The following GOLGA2 variants were observed in gnomAD, a reference collection of about 807,000 sequenced individuals.
The protein encoded by GOLGA2 is golgin subfamily A member 2.
GOLGA2 carries 49 observed loss-of-function variants against 148.8 expected under a neutral mutation model. The ratio of observed to expected loss-of-function variants is 0.33; its 90% confidence interval spans 0.26 to 0.42. GOLGA2 has a LOEUF of 0.42. Ranked by LOEUF, GOLGA2 falls within the 10% of genes least tolerant of loss-of-function variation. The pLI is 1.00. For synonymous variants in GOLGA2, 501 were observed against 511.8 expected (o/e 0.98, Z 0.28); for missense variants, 1,178 against 1,304.6 (o/e 0.90, Z 1.49).
In GOLGA2 at chr9:128,258,373, C is replaced by G. The variant is rs1232769355; in HGVS notation, c.2289+82G>C. 15 of 1,341,330 alleles carry G rather than the reference C, an allele frequency of 1.1e-5. 1 individual carries two copies. The highest frequency in any genetic ancestry group is 1.7e-5 in the Admixed American group (1 of 57,824). 83.1% of individuals were successfully genotyped at this position (1,341,330 alleles called of 1,614,324 possible). A position where few individuals can be genotyped will look rare whatever the true frequency, so the allele number is the denominator to read the frequency against. On this transcript the variant is annotated intron_variant, in intron 22 of 26. Coordinates refer to ENST00000611957, the MANE Select transcript of GOLGA2 (RefSeq NM_001366244.2). This position sits in a 1 kb window ranked among gnomAD's most constrained non-coding sequence, Gnocchi z 6.6. ...GTGAGGGTCCGAAGAAATCAGAAGG[C>G]CGGGAAACCAAGAGCAGAAGGGGGT...
intron 3 of GOLGA2, among the ~76,000 whole-genome samples, chr9:128,270,202 C>T (rs996730031): frequency 3.4e-5 from 4 of 116,564 alleles, no homozygotes; most frequent in African/African-American, 1.3e-4. Flanking sequence ...GGCGAGATCT[C>T]CACTCACTGC....
chr9:128,273,716 C>T (rs777660335), intron 2 of GOLGA2, 134 bp downstream of exon 2: 18 of 1,156,976 alleles, frequency 1.6e-5, no homozygotes, highest in Non-Finnish European at 2.0e-5. Flanking sequence ...AATCACATCC[C>T]TAGCAGATGG....
intron 3 of GOLGA2, among the ~76,000 whole-genome samples, chr9:128,270,631 C>G (rs762466219): frequency 2.6e-5 from 4 of 152,010 alleles, no homozygotes; most frequent in Non-Finnish European, 5.9e-5. Context: ...CAGCTCCGCT[C>G]AGGATACTAC....
At chr9:128,270,877 C>T (rs1220270649) in intron 3 of GOLGA2, among the ~76,000 whole-genome samples, 1 of 151,656 alleles carries the variant, frequency 6.6e-6, no homozygotes, top group Non-Finnish European at 1.5e-5. Flanking sequence ...AAGACCCCAT[C>T]TCTATTAAAA....
rs758931900 is a variant in GOLGA2 at position 128,268,445 on chromosome 9, C to A, written c.368G>T (p.Ser123Ile). The A allele has an allele frequency of 1.1e-5, 17 of 1,607,646 alleles. No homozygotes were observed. The East Asian group carries it at 1.6e-4, about 15-fold the overall frequency. The change falls in exon 4 of 27, where the codon AGT becomes ATT. Residue 123 changes from serine to isoleucine, a missense_variant. By Grantham distance (142) the Ser-to-Ile change is moderately radical. Transcript: ENST00000611957. ...LPGGVPSPGA[S>I]LTSMAASQNH... is the part of the protein sequence containing the mutation. ...CTGAGATGCCGCCATGCTAGTGAGA[C>A]TGGCACCAGGGGAAGGGACACCGCC...
intron 1 of GOLGA2, chr9:128,275,644 G>A: frequency 1.5e-6 from 1 of 683,318 alleles, no homozygotes; most frequent in Non-Finnish European, 2.3e-6. Context: ...GGCAGGAGGT[G>A]AGGGCCGAGT....
Position 128,260,377 on chromosome 9 carries a change from A to G in GOLGA2, c.1758+88T>C. 1 of 1,174,800 alleles carries G rather than the reference A, an allele frequency of 8.5e-7. No homozygotes were observed. Among genetic ancestry groups the G allele is most frequent in the Non-Finnish European group, 1.2e-6 (1 of 800,058 alleles). 72.8% of individuals were successfully genotyped at this position (1,174,800 alleles called of 1,614,324 possible). On this transcript the variant is annotated intron_variant, in intron 18 of 26. Coordinates refer to ENST00000611957, the MANE Select transcript of GOLGA2 (RefSeq NM_001366244.2). The surrounding 1 kb of genome is among the most constrained non-coding windows in gnomAD (Gnocchi z 4.8). ...GCCTCCAGAAGTACCATTTCAAGTG[A>G]GGGCTACACTGCCCCACTTTACAGG...
intron 1 of GOLGA2, chr9:128,275,561 G>A (rs1034627573): frequency 9.2e-6 from 11 of 1,200,280 alleles, no homozygotes; most frequent in Admixed American, 3.8e-5. Context: ...GGCGAGGGCA[G>A]GGGCTGAATT....
At chr9:128,268,184 A>T (rs976193793) in intron 4 of GOLGA2, 24 bp from the exon 5 acceptor site, 7 of 1,602,504 alleles carry the variant, frequency 4.4e-6, no homozygotes, top group African/African-American at 1.3e-5. Context: ...AACGTGTGAG[A>T]TGGTCATTCA....
chr9:128,261,021 G>A lies in GOLGA2; in HGVS notation c.1420+151C>T, dbSNP rs1462789269. 1.4e-6 allele frequency: 1 copy of A among 708,288 alleles called. No homozygotes were observed. Among genetic ancestry groups the A allele is most frequent in the Non-Finnish European group, 2.5e-6 (1 of 395,636 alleles). The allele number at this position is 708,288 out of a possible 1,614,324, so 43.9% of individuals were successfully genotyped here. A position where few individuals can be genotyped will look rare whatever the true frequency, so the allele number is the denominator to read the frequency against. On this transcript the variant is annotated intron_variant, in intron 17 of 26. Coordinates refer to ENST00000611957, the MANE Select transcript of GOLGA2 (RefSeq NM_001366244.2). The surrounding 1 kb of genome is among the most constrained non-coding windows in gnomAD (Gnocchi z 5.7). The stretch of plus-strand genomic sequence containing the variant: ...TTGCTGATGGGGCACTGAGGCTCAT[G>A]GAGATGACGAGACTTGCCATCTCCT...
intron 3 of GOLGA2, among the ~76,000 whole-genome samples, 159 bp downstream of exon 3, chr9:128,272,626 A>G (rs1354184187): frequency 6.6e-6 from 1 of 152,240 alleles, no homozygotes; most frequent in African/African-American, 2.4e-5. Context: ...TAAAAACCCA[A>G]TCAATCAAGC....
rs1471963992 is a variant in GOLGA2, at chr9:128,271,891, G to GA, written c.288+893dup. Reference sequence around the variant, plus strand: ...TGTCCATTTGGAGAGATTAGGGGCAGAACGTCTTGGTCACTCATCTGTTTG... The same window carrying GA: ...TGTCCATTTGGAGAGATTAGGGGCAGAAACGTCTTGGTCACTCATCTGTTTG... On this transcript the variant is annotated intron_variant, in intron 3 of 26. Coordinates refer to ENST00000611957, the MANE Select transcript of GOLGA2 (RefSeq NM_001366244.2). This position sits in a 1 kb window ranked among gnomAD's most constrained non-coding sequence, Gnocchi z 4.4. Among the ~76,000 whole-genome samples the GA allele has an allele frequency of 6.6e-6, 1 of 152,150 alleles. No homozygotes were observed. The highest frequency in any genetic ancestry group is 2.4e-5 in the African/African-American group (1 of 41,430).
chr9:128,256,432 C>G lies in GOLGA2; in HGVS notation c.*635G>C, dbSNP rs1829865091. 1 of 152,248 alleles carries G rather than the reference C, an allele frequency of 6.6e-6. No individual in the cohort carries two copies. Among genetic ancestry groups the G allele is most frequent in the African/African-American group, 2.4e-5 (1 of 41,316 alleles). 9.4% of individuals were successfully genotyped at this position (152,248 alleles called of 1,614,324 possible). A position where few individuals can be genotyped will look rare whatever the true frequency, so the allele number is the denominator to read the frequency against. On this transcript the variant is annotated 3_prime_UTR_variant, in exon 27 of 27. Coordinates refer to ENST00000611957, the MANE Select transcript of GOLGA2 (RefSeq NM_001366244.2). ...ATGATGGGGGCGGAGCCTCCGGCCC[C>G]ACTTCTCCAGGCTTTGCTGACAGTG...
At position 128,267,560 on chromosome 9, in the gene GOLGA2, A is replaced by G. The variant is rs772935913; in HGVS notation, c.502-43T>C. The G allele has an allele frequency of 6.3e-6, 9 of 1,437,596 alleles. No homozygotes were observed. In the African/African-American group the frequency reaches 8.4e-5, roughly 13 times the overall value. The allele number at this position is 1,437,596 out of a possible 1,614,324, so 89.1% of individuals were successfully genotyped here. A position where few individuals can be genotyped will look rare whatever the true frequency, so the allele number is the denominator to read the frequency against. On this transcript the variant is annotated intron_variant, in intron 6 of 26. Transcript: ENST00000611957. Reference sequence around the variant, plus strand: ...GCACATGGAGATGTTCTGTCCCCTCAGTGTCTAAGCCCTCTAACTTCGTTT... The same window carrying G: ...GCACATGGAGATGTTCTGTCCCCTCGGTGTCTAAGCCCTCTAACTTCGTTT...
chr9:128,263,024 C>A lies in GOLGA2; in HGVS notation c.992+10G>T, dbSNP rs773863575. ...CCCCAGACCTCCCATCCCACCATCCCCCATCCTACGTGTTCTTGTATAACT... is the reference window on the plus strand; with the variant it reads ...CCCCAGACCTCCCATCCCACCATCCACCATCCTACGTGTTCTTGTATAACT... On this transcript the variant is annotated intron_variant, in intron 13 of 26. Coordinates refer to ENST00000611957, the MANE Select transcript of GOLGA2 (RefSeq NM_001366244.2). The A allele has an allele frequency of 6.3e-7, 1 of 1,594,056 alleles. No individual in the cohort carries two copies. Among genetic ancestry groups the A allele is most frequent in the Non-Finnish European group, 8.6e-7 (1 of 1,161,794 alleles).
At position 128,268,100 on chromosome 9, in the gene GOLGA2, C is replaced by T. The variant is rs1165815156; in HGVS notation, c.437+17G>A. 5 of 1,611,240 alleles carry T rather than the reference C, an allele frequency of 3.1e-6. No individual in the cohort carries two copies. In the Admixed American group the frequency reaches 5.0e-5, roughly 16 times the overall value. Reference sequence around the variant, plus strand: ...TCTCTCAGCCTAGAGACTGCTGCCCCAACAGGAGACACTCACTTGGTTTCA... The same window carrying T: ...TCTCTCAGCCTAGAGACTGCTGCCCTAACAGGAGACACTCACTTGGTTTCA... On this transcript the variant is annotated intron_variant, in intron 5 of 26. Coordinates refer to ENST00000611957, the MANE Select transcript of GOLGA2 (RefSeq NM_001366244.2).
chr9:128,274,018 C>A (rs930646211), intron 1 of GOLGA2, 46 bp from the exon 2 acceptor site: 3 of 1,586,282 alleles, frequency 1.9e-6, no homozygotes, highest in Admixed American at 1.7e-5. Context: ...TACAAGCCCC[C>A]ACAGTTACAT....
Position 128,258,439 on chromosome 9 carries a change from G to A in GOLGA2, c.2289+16C>T. On this transcript the variant is annotated intron_variant, in intron 22 of 26. Coordinates refer to ENST00000611957, the MANE Select transcript of GOLGA2 (RefSeq NM_001366244.2). This position sits in a 1 kb window ranked among gnomAD's most constrained non-coding sequence, Gnocchi z 6.6. ...GAGGGAGGCAGCAAAGGTTGGGGAG[G>A]GGGAGTCAGCCTCACCATGGCTTCC... 1.9e-6 allele frequency: 3 copies of A among 1,602,188 alleles called. No homozygotes were observed. Among genetic ancestry groups the A allele is most frequent in the Admixed American group, 1.7e-5 (1 of 59,898 alleles).
In GOLGA2 at chr9:128,261,477, T is replaced by C. The variant is rs1830270049; in HGVS notation, c.1309A>G (p.Arg437Gly). The part of the protein sequence containing the change: ...LKGESAMWRQ[R>G]MQQMSEQVHT... ...ACCTGCTCTGACATCTGCTGCATCC[T>C]CTGCCGCCACATGGCGCTCTCTCCT... The change falls in exon 16 of 27, where the codon AGG becomes GGG. Residue 437 changes from arginine to glycine, a missense_variant. By Grantham distance (125) the Arg-to-Gly change is moderately radical. Transcript: ENST00000611957. This position sits in a 1 kb window ranked among gnomAD's most constrained non-coding sequence, Gnocchi z 5.7. The C allele has an allele frequency of 6.2e-7, 1 of 1,605,588 alleles. No individual in the cohort carries two copies. Among genetic ancestry groups the C allele is most frequent in the African/African-American group, 1.3e-5 (1 of 74,896 alleles).
Sources: gnomAD v4.1 joint callset for allele counts (sites outside exome capture counted in the v4.1 genomes callset) on GRCh38, gnomAD v4.1.1 for gene constraint, Gnocchi (gnomAD v3.1) non-coding constraint, MANE v1.5 for transcripts, NCBI Gene and HGNC (gene_info 2026-07-23, HGNC 2026-07-21) for gene names.